ADCY8: variants seen among roughly 807,000 people sequenced by gnomAD.
The protein encoded by ADCY8 is adenylate cyclase type 8.
ADCY8 carries 51 observed loss-of-function variants against 119.7 expected under a neutral mutation model. The observed-to-expected ratio is 0.43, with a 90% CI of 0.34 to 0.54. The LOEUF is 0.54. Ranked by LOEUF, ADCY8 falls within the 20% of genes least tolerant of loss-of-function variation. The pLI is 0.03. For missense variants in ADCY8, 1,383 were observed against 1,598.8 expected (o/e 0.87, Z 2.30); for synonymous variants, 665 against 651.0 (o/e 1.02, Z -0.33).
rs1422985793 is a variant in ADCY8, at chr8:130,847,523, A to T, written c.2413-10T>A. The T allele has an allele frequency of 8.3e-5, 9 of 108,014 alleles. No homozygotes were observed. Among genetic ancestry groups the T allele is most frequent in the South Asian group, 2.2e-4 (1 of 4,554 alleles). The allele number at this position is 108,014 out of a possible 1,614,324, so 6.7% of individuals were successfully genotyped here. A position where few individuals can be genotyped will look rare whatever the true frequency, so the allele number is the denominator to read the frequency against. ...CAAAATCACACCACAGCTGCGGATT[A>T]AAAAAAAAAAAAAAAGAACAACAAA... On this transcript the variant is annotated splice_polypyrimidine_tract_variant and intron_variant, in intron 10 of 17. Transcript: ENST00000286355.
At chr8:131,012,811 G>A (rs538832528) in intron 1 of ADCY8, among the ~76,000 whole-genome samples, 4 of 152,306 alleles carry the variant, frequency 2.6e-5, no homozygotes, top group East Asian at 3.9e-4. Context: ...GGTCTCTGTT[G>A]AAATTGCGTC....
intron 8 of ADCY8, among the ~76,000 whole-genome samples, chr8:130,879,996 G>T (rs886102237): frequency 7.9e-5 from 12 of 152,122 alleles, no homozygotes; most frequent in African/African-American, 2.4e-4. Flanking sequence ...ATAGTGAATG[G>T]GTCTCGTGAG....
At chr8:130,974,216 G>C (rs1822005951) in intron 2 of ADCY8, among the ~76,000 whole-genome samples, 1 of 152,180 alleles carries the variant, frequency 6.6e-6, no homozygotes, top group South Asian at 2.1e-4. Flanking sequence ...GCTGGCTCCT[G>C]TCTTGGATGA....
chr8:130,880,789 A>G (rs1458209983), intron 8 of ADCY8, among the ~76,000 whole-genome samples: 5 of 152,182 alleles, frequency 3.3e-5, no homozygotes, highest in Non-Finnish European at 5.9e-5. Context: ...GGGAGGTGAT[A>G]CTAATTTCAC....
chr8:130,850,138 G>A (rs543017772), intron 9 of ADCY8, among the ~76,000 whole-genome samples: 4 of 152,084 alleles, frequency 2.6e-5, no homozygotes, highest in East Asian at 1.9e-4. Flanking sequence ...GCTGTGGGAT[G>A]AACCCACATA....
At chr8:130,920,221 C>T (rs943554804) in intron 5 of ADCY8, among the ~76,000 whole-genome samples, 1 of 149,750 alleles carries the variant, frequency 6.7e-6, no homozygotes, top group African/African-American at 2.5e-5. Context: ...AAATCCTAAG[C>T]ATTTCCTATT....
At chr8:130,981,037 C>T (rs1822224135) in intron 2 of ADCY8, among the ~76,000 whole-genome samples, 4 of 152,098 alleles carry the variant, frequency 2.6e-5, no homozygotes. Flanking sequence ...ATGTTTGTTT[C>T]CAAATCTGTT....
chr8:130,904,439 A>C (rs1352982404), intron 6 of ADCY8, among the ~76,000 whole-genome samples: 1 of 152,200 alleles, frequency 6.6e-6, no homozygotes. Context: ...AGTGGCAATC[A>C]TTATCCAAAT....
At chr8:130,969,222 A>C (rs1396441910) in intron 2 of ADCY8, among the ~76,000 whole-genome samples, 2 of 152,150 alleles carry the variant, frequency 1.3e-5, no homozygotes, top group African/African-American at 2.4e-5. Context: ...TTAGGCCTAA[A>C]TAGAGAAAAA....
At chr8:130,796,048 C>T (rs1815569987) in intron 15 of ADCY8, among the ~76,000 whole-genome samples, 1 of 152,178 alleles carries the variant, frequency 6.6e-6, no homozygotes, top group Non-Finnish European at 1.5e-5. Flanking sequence ...TTCAATTACT[C>T]ACCTCCCTCC....
At chr8:130,962,630 G>T (rs995801003) in intron 2 of ADCY8, among the ~76,000 whole-genome samples, 1 of 152,192 alleles carries the variant, frequency 6.6e-6, no homozygotes, top group African/African-American at 2.4e-5. Flanking sequence ...AAACAGTGAG[G>T]GATTCAGGAT....
chr8:130,972,709 C>T lies in ADCY8; in HGVS notation c.1110+17684G>A, dbSNP rs567089227. 4.6e-5 allele frequency among the ~76,000 whole-genome samples: 7 copies of T among 152,128 alleles called. No homozygotes were observed. In the East Asian group the frequency reaches 5.8e-4, roughly 13 times the overall value. On this transcript the variant is annotated intron_variant, in intron 2 of 17. Coordinates refer to ENST00000286355, the MANE Select transcript of ADCY8 (RefSeq NM_001115.3). Reference sequence around the variant, plus strand: ...CTTTCCTGGCGGTCATTTAGGAAACCGCACGAATGAAGCCCAACACATTTG... The same window carrying T: ...CTTTCCTGGCGGTCATTTAGGAAACTGCACGAATGAAGCCCAACACATTTG...
At chr8:130,849,379 A>G (rs1174630282) in intron 10 of ADCY8, among the ~76,000 whole-genome samples, 1 of 152,202 alleles carries the variant, frequency 6.6e-6, no homozygotes, top group Admixed American at 6.5e-5. Flanking sequence ...TCCTTTGGAG[A>G]AAATAACCTA....
intron 5 of ADCY8, among the ~76,000 whole-genome samples, chr8:130,934,825 C>G (rs528352591): frequency 6.6e-6 from 1 of 152,272 alleles, no homozygotes; most frequent in East Asian, 1.9e-4. Context: ...ATCTACCTAC[C>G]TACTTGGTAT....
intron 12 of ADCY8, among the ~76,000 whole-genome samples, chr8:130,828,630 A>G (rs1816737512): frequency 6.6e-6 from 1 of 152,180 alleles, no homozygotes; most frequent in African/African-American, 2.4e-5. Context: ...GTGCCCCTCT[A>G]CTAAAAACCA....
chr8:130,916,915 C>CTG (rs1820147496), intron 5 of ADCY8, among the ~76,000 whole-genome samples: 3 of 152,148 alleles, frequency 2.0e-5, no homozygotes, highest in South Asian at 4.1e-4. Context: ...CTCTATATTT[C>CTG]TGTGTGTGTG....
At chr8:130,818,651 G>C (rs1318587989) in intron 13 of ADCY8, among the ~76,000 whole-genome samples, 3 of 152,202 alleles carry the variant, frequency 2.0e-5, no homozygotes, top group Admixed American at 2.0e-4. Context: ...AAAAATAGAG[G>C]GCCTCTGAGT....
chr8:130,899,482 G>A (rs570842465), intron 7 of ADCY8, among the ~76,000 whole-genome samples: 92 of 152,148 alleles, frequency 6.0e-4, no homozygotes, highest in Middle Eastern at 3.4e-3. Flanking sequence ...GGCACGCGCC[G>A]GTAATCTCAG....
At chr8:131,032,740 C>T (rs1323183381) in intron 1 of ADCY8, among the ~76,000 whole-genome samples, 1 of 152,152 alleles carries the variant, frequency 6.6e-6, no homozygotes, top group Non-Finnish European at 1.5e-5. Flanking sequence ...TTAAAATAGT[C>T]CTTCATAAAC....
Sources: gnomAD v4.1 joint callset for allele counts (sites outside exome capture counted in the v4.1 genomes callset) on GRCh38, gnomAD v4.1.1 for gene constraint, MANE v1.5 for transcripts, NCBI Gene and HGNC (gene_info 2026-07-23, HGNC 2026-07-21) for gene names.